TRAF3IP1: variants seen among roughly 807,000 people sequenced by gnomAD.
The protein encoded by TRAF3IP1 is intraflagellar transport 54.
Under a neutral mutation model 89.9 loss-of-function variants are expected in TRAF3IP1, and 53 were observed. That is an observed-to-expected ratio of 0.59 (90% CI 0.47 to 0.74). TRAF3IP1 has a LOEUF of 0.74. Ranked by LOEUF, TRAF3IP1 falls within the 30% of genes least tolerant of loss-of-function variation. The pLI is 0.00. For missense variants in TRAF3IP1, 806 were observed against 866.1 expected, an observed-to-expected ratio of 0.93 and a Z score of 0.87; for synonymous variants, 311 against 322.1, an observed-to-expected ratio of 0.97 and a Z score of 0.37.
At chr2:238,332,932 T>G in intron 6 of TRAF3IP1, 37 bp downstream of exon 6, 1 of 1,500,908 alleles carries the variant, frequency 6.7e-7, no homozygotes, top group Non-Finnish European at 9.2e-7. Context: ...AGATGTCAAC[T>G]TGTAGCTGTG....
At chr2:238,325,417 C>T (rs368087068) in intron 2 of TRAF3IP1, 43 bp downstream of exon 2, 921 of 1,602,370 alleles carry the variant, frequency 5.7e-4, no homozygotes, top group East Asian at 9.4e-4. Flanking sequence ...CTCGCCTTAA[C>T]GGATGGGATT....
chr2:238,332,783 T>A (rs1269312953), intron 5 of TRAF3IP1, 41 bp from the exon 6 acceptor site: 1 of 1,427,494 alleles, frequency 7.0e-7, no homozygotes, highest in Non-Finnish European at 9.8e-7. Flanking sequence ...TATTATGGAT[T>A]GGAATAATTC....
At chr2:238,383,262 A>G (rs1010903996) in intron 15 of TRAF3IP1, among the ~76,000 whole-genome samples, 2 of 152,194 alleles carry the variant, frequency 1.3e-5, no homozygotes, top group Non-Finnish European at 2.9e-5. Flanking sequence ...GGCAACTTGA[A>G]TCAAACTTGC....
intron 15 of TRAF3IP1, among the ~76,000 whole-genome samples, chr2:238,389,748 A>AAATAATAATAATAATAAT (rs71905391): frequency 3.9e-4 from 57 of 146,340 alleles, no homozygotes; most frequent in South Asian, 8.6e-4. Context: ...ACTCCATCTC[A>AAATAATAATAATAATAAT]AATAATAATA....
intron 15 of TRAF3IP1, among the ~76,000 whole-genome samples, chr2:238,386,028 G>C (rs998702323): frequency 6.6e-6 from 1 of 152,192 alleles, no homozygotes; most frequent in Admixed American, 6.5e-5. Flanking sequence ...ATTACAATTT[G>C]GGGTATACAT....
intron 1 of TRAF3IP1, among the ~76,000 whole-genome samples, chr2:238,321,381 T>G (rs1697536652): frequency 1.3e-5 from 2 of 152,200 alleles, no homozygotes; most frequent in South Asian, 4.1e-4. Context: ...ATACAACCCT[T>G]CTGCCCCAAA....
At chr2:238,341,187 A>ATTT (rs11323220) in intron 8 of TRAF3IP1, among the ~76,000 whole-genome samples, 3 of 140,288 alleles carry the variant, frequency 2.1e-5, no homozygotes, top group Non-Finnish European at 3.1e-5. Context: ...TGCCTAGCTA[A>ATTT]TTTTTTTTTT....
At chr2:238,334,519 C>T (rs1259866137) in intron 7 of TRAF3IP1, among the ~76,000 whole-genome samples, 3 of 152,218 alleles carry the variant, frequency 2.0e-5, no homozygotes, top group South Asian at 4.1e-4. Context: ...AGTACCTTAT[C>T]ATCTTGCCTA....
chr2:238,363,971 A>G (rs1699767469), intron 15 of TRAF3IP1, among the ~76,000 whole-genome samples: 1 of 152,192 alleles, frequency 6.6e-6, no homozygotes, highest in African/African-American at 2.4e-5. Flanking sequence ...AAAAAAATAT[A>G]TAAATAAAAA....
chr2:238,347,406 T>TC, intron 9 of TRAF3IP1, 49 bp from the exon 10 acceptor site: 1 of 1,605,088 alleles, frequency 6.2e-7, no homozygotes, highest in East Asian at 2.2e-5. Flanking sequence ...ATTTAATGTA[T>TC]TGAGGTTGAC....
chr2:238,355,585 A>G (rs708077), intron 14 of TRAF3IP1, among the ~76,000 whole-genome samples: 38,617 of 152,188 alleles, frequency 0.25, 5,955 homozygotes, highest in Middle Eastern at 0.45. Context: ...TTCACATGAT[A>G]TTTATCCCAT....
intron 1 of TRAF3IP1, among the ~76,000 whole-genome samples, chr2:238,321,092 T>A (rs989830569): frequency 7.9e-5 from 12 of 152,110 alleles, no homozygotes; most frequent in African/African-American, 2.9e-4. Flanking sequence ...GAGCCCGGCC[T>A]GTAGGCCCAA....
intron 15 of TRAF3IP1, among the ~76,000 whole-genome samples, chr2:238,360,002 A>T (rs1322033204): frequency 6.6e-6 from 1 of 152,206 alleles, no homozygotes; most frequent in East Asian, 1.9e-4. Flanking sequence ...AAGCACTGGG[A>T]TACTGCCACA....
intron 7 of TRAF3IP1, among the ~76,000 whole-genome samples, chr2:238,336,344 C>G (rs749006774): frequency 1.3e-5 from 2 of 152,112 alleles, no homozygotes; most frequent in East Asian, 1.9e-4. Context: ...TCCTGCTAGC[C>G]GGGCACTGAC....
Position 238,336,238 on chromosome 2 carries a change from T to G in TRAF3IP1, c.1064-2124T>G, listed in dbSNP as rs1311682824. Among the ~76,000 whole-genome samples the G allele has an allele frequency of 2.0e-5, 3 of 152,224 alleles. No individual in the cohort carries two copies. The East Asian group carries it at 5.8e-4, about 29-fold the overall frequency. ...GAGCTTGTGCTCTAGGGTTCTTTTGTATGGTCTTAAGAGATTTTATTAGCA... is the reference window on the plus strand; with the variant it reads ...GAGCTTGTGCTCTAGGGTTCTTTTGGATGGTCTTAAGAGATTTTATTAGCA... On this transcript the variant is annotated intron_variant, in intron 7 of 16. Coordinates refer to ENST00000373327, the MANE Select transcript of TRAF3IP1 (RefSeq NM_015650.4).
chr2:238,398,621 T>C lies in TRAF3IP1; in HGVS notation c.1911-133T>C, dbSNP rs984534470. The C allele has an allele frequency of 1.3e-5, 14 of 1,082,910 alleles. No homozygotes were observed. The African/African-American group carries it at 1.8e-4, about 14-fold the overall frequency. The allele number at this position is 1,082,910 out of a possible 1,614,324, so 67.1% of individuals were successfully genotyped here. On this transcript the variant is annotated intron_variant, in intron 16 of 16. Transcript: ENST00000373327. ...TTGGTTGTAGCAGGGGTTGTGAAAA[T>C]AAGAAATAAATATTATCCTTTTCTT...
intron 9 of TRAF3IP1, among the ~76,000 whole-genome samples, chr2:238,344,995 G>T (rs1317461526): frequency 6.6e-6 from 1 of 152,098 alleles, no homozygotes; most frequent in Non-Finnish European, 1.5e-5. Context: ...TTTGAGTGTT[G>T]AATTATACCT....
At chr2:238,377,368 C>T (rs1700364147) in intron 15 of TRAF3IP1, among the ~76,000 whole-genome samples, 1 of 150,498 alleles carries the variant, frequency 6.6e-6, no homozygotes, top group South Asian at 2.1e-4. Context: ...GCTGGGACTG[C>T]AGGCGAGTGC....
At chr2:238,341,187 ATT>A (rs11323220) in intron 8 of TRAF3IP1, among the ~76,000 whole-genome samples, 62 of 140,288 alleles carry the variant, frequency 4.4e-4, no homozygotes, top group Middle Eastern at 3.7e-3. Flanking sequence ...TGCCTAGCTA[ATT>A]TTTTTTTTTT....
Sources: allele counts gnomAD v4.1 joint callset (sites outside exome capture counted in the v4.1 genomes callset), GRCh38; gene constraint gnomAD v4.1.1; transcripts MANE v1.5; gene names NCBI Gene and HGNC (gene_info 2026-07-23, HGNC 2026-07-21).